Variants in MARF1 observed in about 807,000 individuals in gnomAD.
MARF1 encodes the protein meiosis regulator and mRNA stability factor 1, also known as limkain-b1.
MARF1 carries 24 observed loss-of-function variants against 168.2 expected under a neutral mutation model. That is an observed-to-expected ratio of 0.14 (90% confidence interval 0.10 to 0.20). The LOEUF is 0.20. Among genes scored for constraint, MARF1 ranks in the 10% least tolerant of loss-of-function variants. The probability of loss-of-function intolerance (pLI) is 1.00; values close to 1 mark genes in which losing one functional copy is unlikely to be tolerated. For missense variants in MARF1, 1,744 were observed against 2,143.6 expected (o/e 0.81, Z 3.68); for synonymous variants, 868 against 822.4 (o/e 1.06, Z -0.95).
rs1339071295 is a variant in MARF1 at position 15,600,709 on chromosome 16, C to G, written c.4627-8G>C. 1.2e-6 allele frequency: 2 copies of G among 1,613,586 alleles called. No homozygotes were observed. The highest frequency in any genetic ancestry group is 1.7e-6 in the Non-Finnish European group (2 of 1,179,876). ...TCCTTTTATCCAGACCACCTGCACA[C>G]AAGACATACTACTGGTTAAGCAGCG... On this transcript the variant is annotated splice_polypyrimidine_tract_variant and splice_region_variant and intron_variant, in intron 23 of 26. Transcript: ENST00000396368.
chr16:15,605,790 C>G (rs537990488), intron 21 of MARF1: 1 of 152,444 alleles, frequency 6.6e-6, no homozygotes, highest in South Asian at 2.1e-4. Flanking sequence ...CACGGAGCCT[C>G]TCTCAGCTCT....
chr16:15,625,018 C>G lies in MARF1; in HGVS notation c.2109G>C (p.Gln703His), dbSNP rs1427317678. 1.2e-6 allele frequency: 2 copies of G among 1,614,200 alleles called. No homozygotes were observed. The highest frequency in any genetic ancestry group is 4.5e-5 in the East Asian group (2 of 44,888). ...GVAEPVYKTS[Q>H]KKENLSARSV... ...TGAGAAAGAGTAGTTTCACATACTT[C>G]TGACTGGTTTTGTAAACGGGTTCTG... The change falls in exon 9 of 27, where the codon CAG (glutamine) becomes CAC (histidine). Residue 703 changes from glutamine (Q) to histidine (H), a missense_variant and splice_region_variant. Transcript: ENST00000396368.
intron 16 of MARF1, among the ~76,000 whole-genome samples, chr16:15,613,017 G>A (rs1390868653): frequency 6.6e-6 from 1 of 152,134 alleles, no homozygotes; most frequent in Non-Finnish European, 1.5e-5. Context: ...AAGCGGCCAA[G>A]GTAAAGCAGA....
intron 1 of MARF1, among the ~76,000 whole-genome samples, chr16:15,642,816 T>C (rs1006808570): frequency 6.6e-6 from 1 of 152,024 alleles, no homozygotes; most frequent in African/African-American, 2.4e-5. Context: ...ACAGTGACAG[T>C]AGTGAATGGA....
chr16:15,623,481 A>G (rs1253012555), intron 10 of MARF1, among the ~76,000 whole-genome samples: 1 of 151,726 alleles, frequency 6.6e-6, no homozygotes, highest in African/African-American at 2.4e-5. Flanking sequence ...GGGTTTTACC[A>G]TGTTGGCCAG....
rs753138293 is a variant in MARF1, at chr16:15,621,805, T to C, written c.2567A>G (p.Tyr856Cys). 7.4e-6 allele frequency: 12 copies of C among 1,614,214 alleles called. No individual in the cohort carries two copies. In the East Asian group the frequency reaches 1.8e-4, roughly 24 times the overall value. ...AIGAVNSLHR[Y>C]KIGSKKILVS... ...CAGGATCTTTTTGCTGCCAATTTTGTATCTGTGGAGGCTATTCACTGCACC... is the reference window on the plus strand; with the variant it reads ...CAGGATCTTTTTGCTGCCAATTTTGCATCTGTGGAGGCTATTCACTGCACC... Residue 856 changes from tyrosine (Y) to cysteine (C), a missense_variant, in exon 12 of 27, where the codon TAC (tyrosine) becomes TGC (cysteine). Physicochemically the swap from Tyr to Cys is radical, Grantham distance 194 (BLOSUM62 -2). Coordinates refer to ENST00000396368, the MANE Select transcript of MARF1 (RefSeq NM_014647.4).
intron 5 of MARF1, among the ~76,000 whole-genome samples, chr16:15,632,033 A>G (rs1314898348): frequency 1.3e-5 from 2 of 152,204 alleles, no homozygotes; most frequent in African/African-American, 4.8e-5. Flanking sequence ...GTAATTCTTG[A>G]GAAAAAAATT....
intron 7 of MARF1, among the ~76,000 whole-genome samples, chr16:15,629,408 G>C (rs920066096): frequency 2.6e-5 from 4 of 152,152 alleles, no homozygotes; most frequent in Non-Finnish European, 5.9e-5. Context: ...GTGACTAGCA[G>C]GCAAGTGCCG....
chr16:15,597,963 G>A (rs2031926550), intron 26 of MARF1, among the ~76,000 whole-genome samples: 1 of 152,244 alleles, frequency 6.6e-6, no homozygotes, highest in Admixed American at 6.5e-5. Context: ...CTGGGCAACA[G>A]TGCTGAACGC....
Position 15,596,521 on chromosome 16 carries a change from A to C in MARF1, c.*172T>G. 2.0e-6 allele frequency: 1 copy of C among 499,882 alleles called. No homozygotes were observed. Among genetic ancestry groups the C allele is most frequent in the Non-Finnish European group, 3.4e-6 (1 of 295,166 alleles). 31.0% of individuals were successfully genotyped at this position (499,882 alleles called of 1,614,324 possible). Reference sequence around the variant, plus strand: ...AAAGGAAGAAGAAAAGAAAGACTTCAGCTCAAAGCTGTGTTCAATGGAAAA... The same window carrying C: ...AAAGGAAGAAGAAAAGAAAGACTTCCGCTCAAAGCTGTGTTCAATGGAAAA... On this transcript the variant is annotated 3_prime_UTR_variant, in exon 27 of 27. Transcript: ENST00000396368.
At position 15,636,023 on chromosome 16, in the gene MARF1, T is replaced by C; in HGVS notation, c.464A>G (p.Gln155Arg). The C allele has an allele frequency of 2.5e-6, 4 of 1,614,210 alleles. No homozygotes were observed. Among genetic ancestry groups the C allele is most frequent in the South Asian group, 1.1e-5 (1 of 91,090 alleles). Reference protein sequence around the residue: ...TCQVGSGFAFQSASSLQNASA... With the variant: ...TCQVGSGFAFRSASSLQNASA... Reference sequence around the variant, plus strand: ...GGCATTCTGGAGTGAAGATGCAGACTGGAAAGCAAACCCTGACCCTACCTG... The same window carrying C: ...GGCATTCTGGAGTGAAGATGCAGACCGGAAAGCAAACCCTGACCCTACCTG... Residue 155 changes from glutamine (Q) to arginine (R), a missense_variant, in exon 3 of 27, where the codon CAG becomes CGG. Around this residue, in one of 7 missense-constraint regions of MARF1, gnomAD observed 318 missense variants for 336.6 expected, o/e 0.94. Coordinates refer to ENST00000396368, the MANE Select transcript of MARF1 (RefSeq NM_014647.4).
chr16:15,641,651 T>C (rs145536296), intron 1 of MARF1, among the ~76,000 whole-genome samples: 1 of 152,300 alleles, frequency 6.6e-6, no homozygotes, highest in East Asian at 1.9e-4. Context: ...CTTATATAAT[T>C]TTTGCAATAA....
chr16:15,598,786 T>C, intron 26 of MARF1, 68 bp downstream of exon 26: 4 of 1,443,448 alleles, frequency 2.8e-6, no homozygotes, highest in Non-Finnish European at 3.9e-6. Flanking sequence ...ATTTACTATA[T>C]CAGTATCTCA....
intron 2 of MARF1, among the ~76,000 whole-genome samples, chr16:15,638,535 G>A (rs763932868): frequency 9.9e-5 from 15 of 151,460 alleles, no homozygotes; most frequent in East Asian, 1.9e-4. Context: ...GCAATGAGCC[G>A]AGATCGCACC....
In MARF1 at chr16:15,614,343, C is replaced by A. The variant is rs895792869; in HGVS notation, c.3253+1487G>T. The stretch of plus-strand genomic sequence containing the variant: ...TAAAAATACAAAAAAAATAGCCGGG[C>A]GTGGTGGCAGGCGTCTGTAGTCCCA... On this transcript the variant is annotated intron_variant, in intron 16 of 26. Transcript: ENST00000396368. Among the ~76,000 whole-genome samples, 5 of 147,840 alleles carry A rather than the reference C, an allele frequency of 3.4e-5. No homozygotes were observed. In the Admixed American group the frequency reaches 3.4e-4, roughly 10 times the overall value.
chr16:15,639,048 G>A, intron 2 of MARF1, 42 bp downstream of exon 2: 1 of 1,580,712 alleles, frequency 6.3e-7, no homozygotes, highest in Non-Finnish European at 8.6e-7. Flanking sequence ...TCATCTATTT[G>A]GATGAGGAAT....
At position 15,634,277 on chromosome 16, in the gene MARF1, G is replaced by T. The variant is rs764368483; in HGVS notation, c.1007-434C>A. 3.9e-5 allele frequency among the ~76,000 whole-genome samples: 6 copies of T among 152,276 alleles called. No homozygotes were observed. In the East Asian group the frequency reaches 9.6e-4, roughly 24 times the overall value. ...GACAAAGGGTGAAGCTGTTACTGTCGTTGATTTTGAGTTAACGCTGCATTA... is the reference window on the plus strand; with the variant it reads ...GACAAAGGGTGAAGCTGTTACTGTCTTTGATTTTGAGTTAACGCTGCATTA... On this transcript the variant is annotated intron_variant, in intron 4 of 26. Transcript: ENST00000396368.
At chr16:15,608,185 G>A in intron 21 of MARF1, 106 bp downstream of exon 21, 1 of 692,658 alleles carries the variant, frequency 1.4e-6, no homozygotes. Context: ...AGTTCAAGGT[G>A]TAAATAAAGA....
rs562943422 is a variant in MARF1, at chr16:15,635,589, A to C, written c.831+67T>G. On this transcript the variant is annotated intron_variant, in intron 3 of 26. Transcript: ENST00000396368. ...CCCATGTATAATACTTTTCAAGATA[A>C]ATCCACTTCAAAAGTCATTCCTCAA... 101 of 1,368,860 alleles carry C rather than the reference A, an allele frequency of 7.4e-5. No homozygotes were observed. In the South Asian group the frequency reaches 1.2e-3, roughly 16 times the overall value. The allele number at this position is 1,368,860 out of a possible 1,614,324, so 84.8% of individuals were successfully genotyped here. A position where few individuals can be genotyped will look rare whatever the true frequency, so the allele number is the denominator to read the frequency against.
Sources: allele counts gnomAD v4.1 joint callset (sites outside exome capture counted in the v4.1 genomes callset), GRCh38; gene constraint gnomAD v4.1.1; regional missense constraint gnomAD v4.1.1; transcripts MANE v1.5; gene names NCBI Gene and HGNC (gene_info 2026-07-23, HGNC 2026-07-21).